The following SAFB2 variants were observed in gnomAD, a reference collection of about 807,000 sequenced individuals.
The protein encoded by SAFB2 is scaffold attachment factor B2.
Under a neutral mutation model 100.6 loss-of-function variants are expected in SAFB2, and 32 were observed. The ratio of observed to expected loss-of-function variants is 0.32; its 90% CI spans 0.24 to 0.43. SAFB2 has a LOEUF of 0.43. SAFB2 is among the 20% of genes least tolerant of loss of function. The probability of loss-of-function intolerance (pLI) is 1.00; values close to 1 mark genes in which losing one functional copy is unlikely to be tolerated. For missense variants in SAFB2, 1,185 were observed against 1,163.4 expected, an observed-to-expected ratio of 1.02 and a Z score of -0.27; for synonymous variants, 500 against 439.4, an observed-to-expected ratio of 1.14 and a Z score of -1.72.
At chr19:5,588,006 G>T (rs1312619480) in intron 18 of SAFB2, 26 bp from the exon 19 acceptor site, 1 of 1,593,676 alleles carries the variant, frequency 6.3e-7, no homozygotes, top group African/African-American at 1.3e-5. Context: ...AAGACATGCA[G>T]CCATCTAATG....
At chr19:5,608,057 T>C (rs1408790218) in intron 9 of SAFB2, among the ~76,000 whole-genome samples, 2 of 152,252 alleles carry the variant, frequency 1.3e-5, no homozygotes, top group Admixed American at 6.5e-5. Context: ...TCCCTATCCC[T>C]GAGCTATGCC....
At chr19:5,589,841 G>A (rs553825574) in intron 18 of SAFB2, among the ~76,000 whole-genome samples, 4 of 152,230 alleles carry the variant, frequency 2.6e-5, no homozygotes, top group African/African-American at 9.6e-5. Flanking sequence ...GCAGGATAGG[G>A]TTGAGAAGAT....
At chr19:5,590,190 C>A in intron 18 of SAFB2, 88 bp downstream of exon 18, 1 of 1,254,330 alleles carries the variant, frequency 8.0e-7, no homozygotes. Flanking sequence ...CTAGCTGAAT[C>A]AAACCTTGGG....
At position 5,592,783 on chromosome 19, in the gene SAFB2, C is replaced by T. The variant is rs374517849; in HGVS notation, c.2312G>A (p.Arg771Gln). Residue 771 changes from arginine (R) to glutamine (Q), a missense_variant, in exon 16 of 21, where the codon CGA becomes CAA. Physicochemically the swap from Arg to Gln is conservative, Grantham distance 43. Coordinates refer to ENST00000252542, the MANE Select transcript of SAFB2 (RefSeq NM_014649.3). ...PDHRFHDFDH[R>Q]DRGQYQDHAI... ...GTGGTCCTGGTACTGGCCCCGGTCT[C>T]GATGATCGAAGTCGTGAAAGCGGTG... 15 of 1,614,034 alleles carry T rather than the reference C, an allele frequency of 9.3e-6. No individual in the cohort carries two copies. In the African/African-American group the frequency reaches 1.2e-4, roughly 13 times the overall value.
At chr19:5,595,281 G>T in intron 14 of SAFB2, 80 bp downstream of exon 14, 1 of 1,527,596 alleles carries the variant, frequency 6.5e-7, no homozygotes, top group Non-Finnish European at 8.8e-7. Flanking sequence ...CACAGACTGC[G>T]CACTCCAAGT....
At chr19:5,607,046 G>A (rs1359056743) in intron 9 of SAFB2, among the ~76,000 whole-genome samples, 1 of 152,154 alleles carries the variant, frequency 6.6e-6, no homozygotes, top group Non-Finnish European at 1.5e-5. Context: ...AGGATCACGA[G>A]GTCAGGAGAT....
At chr19:5,612,812 G>A (rs997142607) in intron 5 of SAFB2, among the ~76,000 whole-genome samples, 1 of 152,184 alleles carries the variant, frequency 6.6e-6, no homozygotes, top group Admixed American at 6.5e-5. Flanking sequence ...TTTGGGCCCT[G>A]CCCTGCCATG....
At chr19:5,605,641 A>G (rs1331583546) in intron 9 of SAFB2, among the ~76,000 whole-genome samples, 1 of 152,232 alleles carries the variant, frequency 6.6e-6, no homozygotes, top group Admixed American at 6.5e-5. Flanking sequence ...GGACTGTCAG[A>G]AATGTCCCCA....
chr19:5,595,862 AT>A (rs1165974837), intron 13 of SAFB2, among the ~76,000 whole-genome samples: 1 of 152,254 alleles, frequency 6.6e-6, no homozygotes, highest in Non-Finnish European at 1.5e-5. Flanking sequence ...CACTGTGGCC[AT>A]TAGTTCAGAG....
chr19:5,587,817 G>T lies in SAFB2; in HGVS notation c.2639-50C>A. ...ACACTCCGTTCCTGGGGAAGCCCCT[G>T]GACACATGTGGGGGCCACAGCCACC... is the stretch of plus-strand genomic sequence containing the variant. On this transcript the variant is annotated intron_variant, in intron 19 of 20. Transcript: ENST00000252542. This position sits in a 1 kb window ranked among gnomAD's most constrained non-coding sequence, Gnocchi z 4.9. 6.4e-7 allele frequency: 1 copy of T among 1,570,698 alleles called. No individual in the cohort carries two copies. The highest frequency in any genetic ancestry group is 8.6e-7 in the Non-Finnish European group (1 of 1,156,986).
chr19:5,594,042 G>T lies in SAFB2; in HGVS notation c.2056C>A (p.Arg686=), dbSNP rs1314143457. 2.5e-6 allele frequency: 4 copies of T among 1,580,492 alleles called. No homozygotes were observed. The highest frequency in any genetic ancestry group is 1.9e-4 in the Middle Eastern group (1 of 5,266). Residue 686 remains arginine, a synonymous_variant, in exon 15 of 21, where the codon CGG becomes AGG. Transcript: ENST00000252542. ...ACGCGCATGCGCTCGCGCTCCAGCCGCTCCCGCTCCATGCGCTCCCGCTCC... is the reference window on the plus strand; with the variant it reads ...ACGCGCATGCGCTCGCGCTCCAGCCTCTCCCGCTCCATGCGCTCCCGCTCC... ...RLERERMERE[R]LERERMRVER...
At position 5,599,048 on chromosome 19, in the gene SAFB2, G is replaced by A. The variant is rs537524213; in HGVS notation, c.1691-164C>T. On this transcript the variant is annotated intron_variant, in intron 12 of 20. Transcript: ENST00000252542. ...AATTCTCATCTATTGTGAGCAACAC[G>A]GTAACACGGGCACAGCATCATGGGG... Among the ~76,000 whole-genome samples the A allele has an allele frequency of 4.0e-3, 603 of 152,232 alleles. 3 individuals are homozygous for A. Among genetic ancestry groups the A allele is most frequent in the Admixed American group, 6.7e-3 (103 of 15,294 alleles).
chr19:5,609,525 A>G (rs2052859436), intron 9 of SAFB2, among the ~76,000 whole-genome samples: 1 of 152,114 alleles, frequency 6.6e-6, no homozygotes, highest in Non-Finnish European at 1.5e-5. Context: ...GCTGGTCTCC[A>G]ACTCCTGACT....
At chr19:5,590,218 A>T (rs762864712) in intron 18 of SAFB2, 60 bp downstream of exon 18, 24 of 1,122,808 alleles carry the variant, frequency 2.1e-5, no homozygotes, top group Admixed American at 3.2e-5. Context: ...CTGGCCAGGC[A>T]CCAACCTTTT....
At chr19:5,592,600 C>A in intron 16 of SAFB2, 147 bp downstream of exon 16, 1 of 874,408 alleles carries the variant, frequency 1.1e-6, no homozygotes. Flanking sequence ...AAGTTCTGTG[C>A]AAGGCCAGAG....
intron 11 of SAFB2, among the ~76,000 whole-genome samples, chr19:5,602,603 C>CG (rs1298714464): frequency 6.6e-6 from 1 of 151,758 alleles, no homozygotes; most frequent in Non-Finnish European, 1.5e-5. Flanking sequence ...TCAGGCAGGG[C>CG]GCGCTCCCCT....
At chr19:5,610,160 A>G in intron 8 of SAFB2, 65 bp from the exon 9 acceptor site, 1 of 1,339,680 alleles carries the variant, frequency 7.5e-7, no homozygotes, top group South Asian at 1.2e-5. Flanking sequence ...ACCATTCTTA[A>G]GACCGCAGCC....
Position 5,620,325 on chromosome 19 carries a change from T to A in SAFB2, c.274+984A>T, listed in dbSNP as rs377531564. 2.0e-5 allele frequency among the ~76,000 whole-genome samples: 3 copies of A among 152,380 alleles called. No homozygotes were observed. In the South Asian group the frequency reaches 6.2e-4, roughly 32 times the overall value. On this transcript the variant is annotated intron_variant, in intron 2 of 20. Transcript: ENST00000252542. ...CAATTTCTTTCTACTTTCTAAGCAC[T>A]GATCCTCCACTGCCTGAATTTAGCA...
chr19:5,611,170 A>G lies in SAFB2; in HGVS notation c.1095T>C (p.Pro365=), dbSNP rs886274784. The G allele has an allele frequency of 4.1e-6, 2 of 483,662 alleles. No individual in the cohort carries two copies. The highest frequency in any genetic ancestry group is 6.6e-5 in the African/African-American group (2 of 30,120). The allele number at this position is 483,662 out of a possible 1,614,324, so 30.0% of individuals were successfully genotyped here. The change falls in exon 7 of 21, where the codon CCT becomes CCC. Residue 365 remains proline, a synonymous_variant. Transcript: ENST00000252542. ...TGGTTGAGGACTCTTTAGGAGCCGG[A>G]GGGACTTCATTACAAGCGTCAAAAT... ...KFDFDACNEV[P]PAPKESSTSE... is the part of the protein sequence containing the mutation.
Sources: allele counts gnomAD v4.1 joint callset (sites outside exome capture counted in the v4.1 genomes callset), GRCh38; gene constraint gnomAD v4.1.1; non-coding constraint Gnocchi (gnomAD v3.1); transcripts MANE v1.5; gene names NCBI Gene and HGNC (gene_info 2026-07-23, HGNC 2026-07-21).